The following TSPAN8 variants were observed in gnomAD, a reference collection of about 807,000 sequenced individuals.
The protein encoded by TSPAN8 is tetraspanin-8.
In TSPAN8, 21 loss-of-function variants were observed where a neutral mutation model predicts 32.8. The observed-to-expected ratio is 0.64, with a 90% CI of 0.45 to 0.92. The LOEUF is 0.92. Among genes scored for constraint, TSPAN8 ranks in the 40% least tolerant of loss-of-function variants. The probability of loss-of-function intolerance (pLI) is 0.00; values close to 1 mark genes in which losing one functional copy is unlikely to be tolerated. For synonymous variants in TSPAN8, 95 were observed against 94.6 expected (o/e 1.00, Z -0.03); for missense variants, 269 against 281.9 (o/e 0.95, Z 0.33).
chr12:71,143,496 G>A lies in TSPAN8; in HGVS notation c.123+655C>T, dbSNP rs183530157. Among the ~76,000 whole-genome samples, 4 of 152,262 alleles carry A rather than the reference G, an allele frequency of 2.6e-5. No individual in the cohort carries two copies. In the East Asian group the frequency reaches 7.7e-4, roughly 29 times the overall value. ...GGTAAGAGCTTTGGCACTGGGCACG[G>A]AATGGTGTGTGGGGGAGGAAAATGG... On this transcript the variant is annotated intron_variant, in intron 3 of 8. Transcript: ENST00000247829.
chr12:71,132,499 G>T (rs1297401832), intron 7 of TSPAN8, among the ~76,000 whole-genome samples, 194 bp downstream of exon 7: 5 of 152,218 alleles, frequency 3.3e-5, no homozygotes, highest in African/African-American at 1.2e-4. Context: ...CTTAAATGAT[G>T]CCAGACTCAT....
intron 8 of TSPAN8, among the ~76,000 whole-genome samples, chr12:71,128,867 G>A (rs1459307637): frequency 6.6e-6 from 1 of 152,034 alleles, no homozygotes; most frequent in African/African-American, 2.4e-5. Context: ...AATGTAATAA[G>A]TAACAAAGAA....
chr12:71,156,016 C>G (rs1279167734), intron 2 of TSPAN8, among the ~76,000 whole-genome samples: 2 of 152,028 alleles, frequency 1.3e-5, no homozygotes, highest in African/African-American at 4.8e-5. Flanking sequence ...CAGGCGTGAG[C>G]CACTGCGCCT....
At chr12:71,149,534 A>T (rs952176614) in intron 2 of TSPAN8, among the ~76,000 whole-genome samples, 2 of 152,358 alleles carry the variant, frequency 1.3e-5, no homozygotes, top group South Asian at 4.1e-4. Flanking sequence ...CATGGTTTTT[A>T]AAAAATCTTC....
intron 2 of TSPAN8, among the ~76,000 whole-genome samples, chr12:71,147,479 T>C (rs1425580749): frequency 1.3e-4 from 20 of 152,246 alleles, no homozygotes; most frequent in Non-Finnish European, 1.0e-4. Context: ...CCTGAGAGGA[T>C]AAAAAAGAAT....
chr12:71,150,992 A>G (rs1405856668), intron 2 of TSPAN8, among the ~76,000 whole-genome samples: 2 of 152,042 alleles, frequency 1.3e-5, no homozygotes, highest in East Asian at 3.9e-4. Context: ...CTTTATCAGC[A>G]GTGTGAAAAC....
rs528471344 is a variant in TSPAN8 at position 71,156,275 on chromosome 12, A to C, written c.60+1344T>G. Among the ~76,000 whole-genome samples, 62 of 141,518 alleles carry C rather than the reference A, an allele frequency of 4.4e-4. 8 individuals are homozygous for C. The highest frequency in any genetic ancestry group is 1.5e-3 in the African/African-American group (58 of 38,740). The allele number at this position is 141,518 out of a possible 152,430, so 92.8% of individuals were successfully genotyped here. On this transcript the variant is annotated intron_variant, in intron 2 of 8. Coordinates refer to ENST00000247829, the MANE Select transcript of TSPAN8 (RefSeq NM_004616.3). The stretch of plus-strand genomic sequence containing the variant: ...CAAAAAAAAAAAAAAAAAACAAACA[A>C]AAAAAAAACTAGAAACAAAACAAAA...
chr12:71,144,223 A>AAAAC lies in TSPAN8; in HGVS notation c.61-14_61-11dup, dbSNP rs771261387. On this transcript the variant is annotated splice_polypyrimidine_tract_variant and intron_variant, in intron 2 of 8. Transcript: ENST00000247829. ...TCAAGATACCACATAGCTGCAGAAA[A>AAAAC]AAACAAACAAACAAAAAGAATACAA... is the stretch of plus-strand genomic sequence containing the variant. 2.5e-6 allele frequency: 4 copies of AAAAC among 1,608,818 alleles called. No homozygotes were observed. Among genetic ancestry groups the AAAAC allele is most frequent in the Non-Finnish European group, 3.4e-6 (4 of 1,178,782 alleles).
chr12:71,132,650 G>GTT, intron 7 of TSPAN8, 43 bp downstream of exon 7: 1 of 1,594,098 alleles, frequency 6.3e-7, no homozygotes, highest in Non-Finnish European at 8.5e-7. Flanking sequence ...TGAAAAGAAA[G>GTT]TAACAGAATT....
At chr12:71,155,712 G>A (rs1211063136) in intron 2 of TSPAN8, among the ~76,000 whole-genome samples, 1 of 151,872 alleles carries the variant, frequency 6.6e-6, no homozygotes, top group Non-Finnish European at 1.5e-5. Flanking sequence ...AATTTTTAAA[G>A]TGTAATAATG....
intron 2 of TSPAN8, among the ~76,000 whole-genome samples, chr12:71,155,602 A>G (rs1004202492): frequency 2.0e-5 from 3 of 152,196 alleles, no homozygotes; most frequent in Non-Finnish European, 4.4e-5. Flanking sequence ...AGGAACATTT[A>G]TGAGGTAATC....
chr12:71,137,460 C>A lies in TSPAN8; in HGVS notation c.444+493G>T, dbSNP rs531360221. ...CTAAAAATACAAAAAATGAGCCGGG[C>A]GTGGTGGCGCATGTCTGTAGTCTCA... On this transcript the variant is annotated intron_variant, in intron 6 of 8. Transcript: ENST00000247829. Among the ~76,000 whole-genome samples the A allele has an allele frequency of 3.9e-5, 6 of 151,994 alleles. No individual in the cohort carries two copies. The South Asian group carries it at 6.3e-4, about 16-fold the overall frequency.
At position 71,137,457 on chromosome 12, in the gene TSPAN8, G is replaced by A. The variant is rs552139597; in HGVS notation, c.444+496C>T. Among the ~76,000 whole-genome samples the A allele has an allele frequency of 1.5e-3, 226 of 151,946 alleles. 1 individual carries two copies. Among genetic ancestry groups the A allele is most frequent in the African/African-American group, 5.1e-3 (212 of 41,418 alleles). On this transcript the variant is annotated intron_variant, in intron 6 of 8. Coordinates refer to ENST00000247829, the MANE Select transcript of TSPAN8 (RefSeq NM_004616.3). Reference sequence around the variant, plus strand: ...CTACTAAAAATACAAAAAATGAGCCGGGCGTGGTGGCGCATGTCTGTAGTC... The same window carrying A: ...CTACTAAAAATACAAAAAATGAGCCAGGCGTGGTGGCGCATGTCTGTAGTC...
chr12:71,135,036 C>T (rs561077718), intron 6 of TSPAN8, among the ~76,000 whole-genome samples: 3 of 152,190 alleles, frequency 2.0e-5, no homozygotes, highest in South Asian at 2.1e-4. Flanking sequence ...GGAATTTGTG[C>T]GGGAAATCCC....
At chr12:71,149,633 T>C (rs1384845546) in intron 2 of TSPAN8, among the ~76,000 whole-genome samples, 2 of 152,256 alleles carry the variant, frequency 1.3e-5, no homozygotes, top group African/African-American at 4.8e-5. Flanking sequence ...GAAGATTTCA[T>C]GGACATTTAT....
intron 2 of TSPAN8, among the ~76,000 whole-genome samples, chr12:71,154,311 A>ACAT (rs71276390): frequency 7.3e-6 from 1 of 137,232 alleles, no homozygotes; most frequent in Admixed American, 7.4e-5. Flanking sequence ...CTCTGTCTCA[A>ACAT]AATAATAATA....
At chr12:71,137,651 A>C (rs777861392) in intron 6 of TSPAN8, among the ~76,000 whole-genome samples, 13 of 152,136 alleles carry the variant, frequency 8.5e-5, no homozygotes, top group Non-Finnish European at 1.5e-4. Flanking sequence ...TCCCAGACAC[A>C]CTACCCTTTT....
rs752925977 is a variant in TSPAN8, at chr12:71,138,151, C to T, written c.336+5G>A. 6.2e-7 allele frequency: 1 copy of T among 1,613,898 alleles called. No homozygotes were observed. The highest frequency in any genetic ancestry group is 1.7e-5 in the Admixed American group (1 of 59,968). Reference sequence around the variant, plus strand: ...TTCAAAATTTTCAAACATCTGTGCACACACCTTAGATTTGAAAACAGCTCC... The same window carrying T: ...TTCAAAATTTTCAAACATCTGTGCATACACCTTAGATTTGAAAACAGCTCC... On this transcript the variant is annotated splice_donor_5th_base_variant and intron_variant, in intron 5 of 8. Transcript: ENST00000247829.
chr12:71,137,486 G>C (rs1379501112), intron 6 of TSPAN8, among the ~76,000 whole-genome samples: 3 of 151,880 alleles, frequency 2.0e-5, no homozygotes, highest in Non-Finnish European at 4.4e-5. Context: ...TGTAGTCTCA[G>C]CTACTCAGGA....
Sources: gnomAD v4.1 joint callset for allele counts (sites outside exome capture counted in the v4.1 genomes callset) on GRCh38, gnomAD v4.1.1 for gene constraint, MANE v1.5 for transcripts, NCBI Gene and HGNC (gene_info 2026-07-23, HGNC 2026-07-21) for gene names.